The following PTPRD variants were observed in gnomAD, a reference collection of about 807,000 sequenced individuals.
PTPRD encodes receptor-type tyrosine-protein phosphatase delta.
In PTPRD, 34 loss-of-function variants were observed where a neutral mutation model predicts 214.5. The ratio of observed to expected loss-of-function variants is 0.16; its 90% CI spans 0.12 to 0.21. The LOEUF (loss-of-function observed/expected upper bound fraction) is 0.21, where lower values mean the gene tolerates loss of function less well. Among genes scored for constraint, PTPRD ranks in the 10% least tolerant of loss-of-function variants. The pLI is 1.00. For missense variants in PTPRD, 2,545 were observed against 2,398.7 expected, an observed-to-expected ratio of 1.06 and a Z score of -1.27; for synonymous variants, 1,128 against 845.7, an observed-to-expected ratio of 1.33 and a Z score of -5.79.
At chr9:8,570,098 G>A (rs1020968157) in intron 14 of PTPRD, among the ~76,000 whole-genome samples, 4 of 152,056 alleles carry the variant, frequency 2.6e-5, no homozygotes, top group Non-Finnish European at 4.4e-5. Context: ...TCCTATAGCA[G>A]AGATCGAGTC....
At chr9:9,419,090 T>A (rs1047065507) in intron 8 of PTPRD, among the ~76,000 whole-genome samples, 5 of 150,092 alleles carry the variant, frequency 3.3e-5, no homozygotes, top group South Asian at 2.1e-4. Context: ...TACAACTGGG[T>A]AAGCTTAGTT....
chr9:8,954,567 C>T (rs1289192313), intron 11 of PTPRD, among the ~76,000 whole-genome samples: 1 of 151,188 alleles, frequency 6.6e-6, no homozygotes, highest in Non-Finnish European at 1.5e-5. Flanking sequence ...TAATGCAAAA[C>T]AGCAAAAACA....
At chr9:10,544,880 A>C (rs928241305) in intron 2 of PTPRD, among the ~76,000 whole-genome samples, 5 of 152,228 alleles carry the variant, frequency 3.3e-5, no homozygotes, top group African/African-American at 1.2e-4. Context: ...AATGTTCCTC[A>C]AATATATAAT....
chr9:10,351,202 T>C (rs1179256517), intron 2 of PTPRD, among the ~76,000 whole-genome samples: 2 of 152,148 alleles, frequency 1.3e-5, no homozygotes, highest in Admixed American at 1.3e-4. Context: ...CAAACTCAGT[T>C]GTAAATTTTT....
intron 7 of PTPRD, among the ~76,000 whole-genome samples, chr9:9,677,416 A>G (rs561029121): frequency 1.3e-5 from 2 of 152,236 alleles, no homozygotes; most frequent in African/African-American, 4.8e-5. Context: ...GGTTCAACAT[A>G]TACAAATCAA....
chr9:10,204,236 A>C (rs187680805), intron 3 of PTPRD, among the ~76,000 whole-genome samples: 127 of 152,054 alleles, frequency 8.4e-4, no homozygotes, highest in Non-Finnish European at 1.3e-3. Context: ...TTCCTCCTCC[A>C]CGTGAAAATC....
chr9:10,359,540 A>G lies in PTPRD; in HGVS notation c.-599-18523T>C, dbSNP rs187659726. Among the ~76,000 whole-genome samples, 8 of 152,238 alleles carry G rather than the reference A, an allele frequency of 5.3e-5. No individual in the cohort carries two copies. The East Asian group carries it at 1.5e-3, about 29-fold the overall frequency. On this transcript the variant is annotated intron_variant, in intron 2 of 45. Coordinates refer to ENST00000381196, the MANE Select transcript of PTPRD (RefSeq NM_002839.4). ...TGTACCTAAGCTTTTCAGTAACAAG[A>G]AGATTTTGGCACAAATTATTAATCT... is the stretch of plus-strand genomic sequence containing the variant.
chr9:8,837,855 C>T (rs977338353), intron 11 of PTPRD, among the ~76,000 whole-genome samples: 2 of 151,964 alleles, frequency 1.3e-5, no homozygotes, highest in Non-Finnish European at 2.9e-5. Flanking sequence ...AAAGTGGTTT[C>T]CTTTGTTTGC....
intron 3 of PTPRD, among the ~76,000 whole-genome samples, chr9:10,172,677 T>C (rs370524289): frequency 6.6e-6 from 1 of 152,286 alleles, no homozygotes; most frequent in South Asian, 2.1e-4. Context: ...AAAGTGGCTA[T>C]GACAGAAGTT....
intron 11 of PTPRD, among the ~76,000 whole-genome samples, chr9:8,824,255 G>C (rs544047535): frequency 6.6e-6 from 1 of 152,176 alleles, no homozygotes; most frequent in Non-Finnish European, 1.5e-5. Flanking sequence ...TTAAGATGGA[G>C]TTGCTGTGGT....
chr9:9,590,953 A>G (rs1179601028), intron 7 of PTPRD, among the ~76,000 whole-genome samples: 1 of 151,982 alleles, frequency 6.6e-6, no homozygotes, highest in Non-Finnish European at 1.5e-5. Flanking sequence ...TGAAACACAA[A>G]ATGGGCTCCA....
At chr9:8,927,755 T>A (rs774818390) in intron 11 of PTPRD, among the ~76,000 whole-genome samples, 5 of 152,214 alleles carry the variant, frequency 3.3e-5, no homozygotes, top group Non-Finnish European at 7.3e-5. Flanking sequence ...ATGGTATTTC[T>A]GTTTCTAGAT....
At chr9:9,869,528 G>C (rs2064893260) in intron 5 of PTPRD, among the ~76,000 whole-genome samples, 1 of 152,004 alleles carries the variant, frequency 6.6e-6, no homozygotes, top group Non-Finnish European at 1.5e-5. Context: ...CCCACATTCA[G>C]ATTGTATCTG....
chr9:8,749,212 C>T (rs965210081), intron 11 of PTPRD, among the ~76,000 whole-genome samples: 3 of 152,126 alleles, frequency 2.0e-5, no homozygotes, highest in Admixed American at 1.3e-4. Flanking sequence ...GACAGAGTCT[C>T]GCTCTGTCGC....
chr9:10,185,373 T>A (rs294850), intron 3 of PTPRD, among the ~76,000 whole-genome samples: 2 of 152,180 alleles, frequency 1.3e-5, no homozygotes, highest in African/African-American at 4.8e-5. Flanking sequence ...TCCATTACAA[T>A]GAGAAATTTG....
At chr9:8,459,592 G>T (rs1184862003) in intron 33 of PTPRD, among the ~76,000 whole-genome samples, 2 of 151,828 alleles carry the variant, frequency 1.3e-5, no homozygotes, top group Non-Finnish European at 2.9e-5. Flanking sequence ...CTATCTAACT[G>T]ACTGGCCAGT....
At position 10,435,693 on chromosome 9, in the gene PTPRD, T is replaced by C. The variant is rs1157924540; in HGVS notation, c.-599-94676A>G. ...AATGAATATCTGGATGAATATAAAA[T>C]AAACTAATAATCATGCATAAAATAT... On this transcript the variant is annotated intron_variant, in intron 2 of 45. Transcript: ENST00000381196. Among the ~76,000 whole-genome samples the C allele has an allele frequency of 3.9e-5, 6 of 152,044 alleles. No homozygotes were observed. In the East Asian group the frequency reaches 1.2e-3, roughly 29 times the overall value.
intron 2 of PTPRD, among the ~76,000 whole-genome samples, chr9:10,509,557 T>TTATATTTATA (rs1246261539): frequency 9.4e-6 from 1 of 106,690 alleles, no homozygotes; most frequent in African/African-American, 4.0e-5. Context: ...TTAATAAATA[T>TTATATTTATA]TATATATATA....
chr9:9,021,959 A>G (rs115120453), intron 10 of PTPRD, among the ~76,000 whole-genome samples: 4,765 of 151,424 alleles, frequency 0.031, 85 homozygotes, highest in East Asian at 0.067. Context: ...AACATCACAC[A>G]CTGGGACATG....
Sources: gnomAD v4.1 joint callset for allele counts (sites outside exome capture counted in the v4.1 genomes callset) on GRCh38, gnomAD v4.1.1 for gene constraint, MANE v1.5 for transcripts, NCBI Gene and HGNC (gene_info 2026-07-23, HGNC 2026-07-21) for gene names.